The following GMPS variants were observed in gnomAD, a reference collection of about 807,000 sequenced individuals.
GMPS encodes the protein GMP synthase [glutamine-hydrolyzing].
GMPS carries 15 observed loss-of-function variants against 77.9 expected under a neutral mutation model. That is an observed-to-expected ratio of 0.19 (90% confidence interval 0.13 to 0.30). GMPS has a LOEUF of 0.30. Among genes scored for constraint, GMPS ranks in the 10% least tolerant of loss-of-function variants. The pLI is 1.00. For synonymous variants in GMPS, 224 were observed against 275.9 expected, an observed-to-expected ratio of 0.81 and a Z score of 1.86; for missense variants, 590 against 838.8, an observed-to-expected ratio of 0.70 and a Z score of 3.66.
chr3:155,936,239 T>C, intron 14 of GMPS, 99 bp from the exon 15 acceptor site: 1 of 742,330 alleles, frequency 1.3e-6, no homozygotes, highest in Non-Finnish European at 2.4e-6. Context: ...GCTGTGTGTG[T>C]ATATGTGATT....
Position 155,940,404 on chromosome 3 carries a change from T to C in GMPS, c.*2712T>C. 4.9e-6 allele frequency: 1 copy of C among 204,434 alleles called. No homozygotes were observed. Among genetic ancestry groups the C allele is most frequent in the Non-Finnish European group, 1.0e-5 (1 of 99,814 alleles). The allele number at this position is 204,434 out of a possible 1,614,324, so 12.7% of individuals were successfully genotyped here. Reference sequence around the variant, plus strand: ...TGTTTTCTAACCTTTTTTAAATCCCTTAATCTTGAGGTAAACTGCATGCAT... The same window carrying C: ...TGTTTTCTAACCTTTTTTAAATCCCCTAATCTTGAGGTAAACTGCATGCAT... On this transcript the variant is annotated 3_prime_UTR_variant, in exon 16 of 16. Coordinates refer to ENST00000496455, the MANE Select transcript of GMPS (RefSeq NM_003875.3).
chr3:155,922,420 T>C, intron 11 of GMPS, 118 bp downstream of exon 11: 1 of 500,976 alleles, frequency 2.0e-6, no homozygotes, highest in Non-Finnish European at 3.5e-6. Flanking sequence ...ATATAACCTT[T>C]GAAATGACTG....
chr3:155,901,651 A>C (rs1165424406), intron 3 of GMPS, among the ~76,000 whole-genome samples: 2 of 151,380 alleles, frequency 1.3e-5, no homozygotes, highest in Non-Finnish European at 2.9e-5. Flanking sequence ...TGACATGATT[A>C]GATTTTTTTT....
intron 6 of GMPS, 25 bp downstream of exon 6, chr3:155,910,910 C>A: frequency 6.9e-7 from 1 of 1,458,696 alleles, no homozygotes; most frequent in Non-Finnish European, 9.4e-7. Flanking sequence ...ATCTGGAAGT[C>A]TACAAATTTA....
chr3:155,892,905 T>G (rs1301625635), intron 1 of GMPS, among the ~76,000 whole-genome samples: 3 of 152,254 alleles, frequency 2.0e-5, no homozygotes, highest in Admixed American at 2.0e-4. Flanking sequence ...GTGCTGGGAT[T>G]ACAGGCGTGA....
intron 12 of GMPS, among the ~76,000 whole-genome samples, 183 bp downstream of exon 12, chr3:155,925,549 T>C (rs1434718062): frequency 1.3e-5 from 2 of 151,986 alleles, no homozygotes; most frequent in East Asian, 3.9e-4. Context: ...CTTAGGAAAA[T>C]GAAATATGTG....
chr3:155,937,791 A>G lies in GMPS; in HGVS notation c.*99A>G. 1 of 661,098 alleles carries G rather than the reference A, an allele frequency of 1.5e-6. No homozygotes were observed. The highest frequency in any genetic ancestry group is 2.7e-6 in the Non-Finnish European group (1 of 370,536). 41.0% of individuals were successfully genotyped at this position (661,098 alleles called of 1,614,324 possible). A position where few individuals can be genotyped will look rare whatever the true frequency, so the allele number is the denominator to read the frequency against. On this transcript the variant is annotated 3_prime_UTR_variant, in exon 16 of 16. Transcript: ENST00000496455. ...GTACTGTGAAAAGAGTTACTGGAGC[A>G]GCTACATCACATCTGAGTTCTCCAC...
chr3:155,887,675 A>G (rs1199757131), intron 1 of GMPS, among the ~76,000 whole-genome samples: 1 of 152,214 alleles, frequency 6.6e-6, no homozygotes, highest in Admixed American at 6.5e-5. Flanking sequence ...ATAATTATCA[A>G]TGTTAACTTT....
At chr3:155,924,691 A>G (rs946946297) in intron 11 of GMPS, among the ~76,000 whole-genome samples, 4 of 152,238 alleles carry the variant, frequency 2.6e-5, no homozygotes, top group African/African-American at 9.6e-5. Flanking sequence ...AAATTCAACT[A>G]TATTGATAAC....
At chr3:155,903,589 A>G (rs948001870) in intron 3 of GMPS, among the ~76,000 whole-genome samples, 2 of 152,236 alleles carry the variant, frequency 1.3e-5, no homozygotes, top group African/African-American at 2.4e-5. Context: ...TGAATTCATT[A>G]AAGTACACTA....
intron 12 of GMPS, 29 bp downstream of exon 12, chr3:155,925,395 A>T (rs750354377): frequency 6.6e-7 from 1 of 1,516,790 alleles, no homozygotes; most frequent in Non-Finnish European, 8.9e-7. Context: ...TTCACCAGTG[A>T]TATACTTTTT....
chr3:155,929,957 T>A (rs1167235463), intron 12 of GMPS, among the ~76,000 whole-genome samples: 1 of 146,714 alleles, frequency 6.8e-6, no homozygotes, highest in Non-Finnish European at 1.5e-5. Flanking sequence ...ATTTACAGAT[T>A]CAGTGCCATC....
At chr3:155,936,009 G>A (rs1240123897) in intron 14 of GMPS, among the ~76,000 whole-genome samples, 1 of 152,154 alleles carries the variant, frequency 6.6e-6, no homozygotes, top group African/African-American at 2.4e-5. Context: ...TTTCCCCTGG[G>A]AGAAATGGTT....
At chr3:155,920,222 C>A (rs770854542) in intron 10 of GMPS, among the ~76,000 whole-genome samples, 1 of 152,190 alleles carries the variant, frequency 6.6e-6, no homozygotes, top group East Asian at 1.9e-4. Flanking sequence ...TAATTTTTAT[C>A]TCAGAGTTTA....
chr3:155,934,703 C>T (rs1277699819), intron 13 of GMPS, among the ~76,000 whole-genome samples: 1 of 152,136 alleles, frequency 6.6e-6, no homozygotes, highest in Non-Finnish European at 1.5e-5. Context: ...CCAGAGAACA[C>T]ACTTTGAGGA....
chr3:155,888,633 T>C (rs867411314), intron 1 of GMPS, among the ~76,000 whole-genome samples: 1 of 151,298 alleles, frequency 6.6e-6, no homozygotes, highest in Non-Finnish European at 1.5e-5. Context: ...TTATTCAGGC[T>C]GGGGTGCAAT....
chr3:155,917,742 G>A (rs1232665096), intron 9 of GMPS, among the ~76,000 whole-genome samples: 2 of 151,900 alleles, frequency 1.3e-5, no homozygotes, highest in Admixed American at 6.6e-5. Flanking sequence ...GCGTGATGGC[G>A]GGCATCTATA....
intron 1 of GMPS, among the ~76,000 whole-genome samples, chr3:155,872,302 C>T (rs1450373025): frequency 6.6e-6 from 1 of 152,178 alleles, no homozygotes; most frequent in Non-Finnish European, 1.5e-5. Flanking sequence ...AACCAAGGCA[C>T]CAGTGGTGCT....
At position 155,941,468 on chromosome 3, in the gene GMPS, G is replaced by T. The variant is rs62287808; in HGVS notation, c.*3776G>T. On this transcript the variant is annotated 3_prime_UTR_variant, in exon 16 of 16. Coordinates refer to ENST00000496455, the MANE Select transcript of GMPS (RefSeq NM_003875.3). ...CATCAGGGATAAATGGGCTTCAAAA[G>T]TGTTAATTGTCTCCTTACTTACAGT... is the stretch of plus-strand genomic sequence containing the variant. 2 of 203,232 alleles carry T rather than the reference G, an allele frequency of 9.8e-6. No homozygotes were observed. The highest frequency in any genetic ancestry group is 1.6e-3 in the Middle Eastern group (1 of 636). The allele number at this position is 203,232 out of a possible 1,614,324, so 12.6% of individuals were successfully genotyped here. A position where few individuals can be genotyped will look rare whatever the true frequency, so the allele number is the denominator to read the frequency against.
Sources: gnomAD v4.1 joint callset for allele counts (sites outside exome capture counted in the v4.1 genomes callset) on GRCh38, gnomAD v4.1.1 for gene constraint, MANE v1.5 for transcripts, NCBI Gene and HGNC (gene_info 2026-07-23, HGNC 2026-07-21) for gene names.